Variants in TLN2 observed in about 807,000 individuals in gnomAD.
TLN2 encodes talin 2.
Under a neutral mutation model 294.7 loss-of-function variants are expected in TLN2, and 118 were observed. That is an observed-to-expected ratio of 0.40 (90% CI 0.34 to 0.47). The LOEUF (loss-of-function observed/expected upper bound fraction) is 0.47. Among genes scored for constraint, TLN2 ranks in the 20% least tolerant of loss-of-function variants. The probability of loss-of-function intolerance (pLI) is 0.84; values close to 1 mark genes in which losing one functional copy is unlikely to be tolerated. For synonymous variants in TLN2, 1,431 were observed against 1,304.5 expected, an observed-to-expected ratio of 1.10 and a Z score of -2.09; for missense variants, 3,083 against 3,282.2, an observed-to-expected ratio of 0.94 and a Z score of 1.48.
chr15:62,703,326 C>A (rs2058834335), intron 19 of TLN2, among the ~76,000 whole-genome samples: 2 of 152,060 alleles, frequency 1.3e-5, no homozygotes, highest in African/African-American at 4.8e-5. Context: ...TGGTCTCGAA[C>A]TTTGACCTCG....
chr15:62,484,308 T>TC (rs2038265777), intron 1 of TLN2, among the ~76,000 whole-genome samples: 1 of 152,166 alleles, frequency 6.6e-6, no homozygotes, highest in African/African-American at 2.4e-5. Flanking sequence ...ATAATAGCGT[T>TC]CTGGTGGCAA....
At chr15:62,448,839 T>C (rs1461894419) in intron 1 of TLN2, among the ~76,000 whole-genome samples, 2 of 152,224 alleles carry the variant, frequency 1.3e-5, no homozygotes, top group African/African-American at 2.4e-5. Flanking sequence ...AAAGTGCAGC[T>C]CATCCCATCA....
rs112249460 is a variant in TLN2, at chr15:62,693,018, G to GA, written c.1215+86dup. 1,824 of 1,255,458 alleles carry GA rather than the reference G, an allele frequency of 1.5e-3. 3 individuals carry two copies. Among genetic ancestry groups the GA allele is most frequent in the East Asian group, 5.9e-3 (238 of 40,148 alleles). The allele number at this position is 1,255,458 out of a possible 1,614,324, so 77.8% of individuals were successfully genotyped here. On this transcript the variant is annotated intron_variant, in intron 13 of 58. Transcript: ENST00000636159. ...TTGGTTTCGATGACGTGGCTACCTT[G>GA]AAAAAAAAATCCTCTTAAATAATAC...
chr15:62,589,903 G>A (rs1260308682), intron 2 of TLN2, 141 bp downstream of exon 2: 1 of 152,284 alleles, frequency 6.6e-6, no homozygotes, highest in African/African-American at 2.4e-5. Flanking sequence ...CAGGTGTGAA[G>A]AGTGCCCGGT....
chr15:62,580,149 TTC>T (rs1230229666), intron 1 of TLN2, among the ~76,000 whole-genome samples: 1 of 152,192 alleles, frequency 6.6e-6, no homozygotes, highest in Non-Finnish European at 1.5e-5. Flanking sequence ...CCACACCTCT[TTC>T]TCTCTGTATT....
chr15:62,445,740 T>A (rs2035786434), intron 1 of TLN2, among the ~76,000 whole-genome samples: 1 of 152,050 alleles, frequency 6.6e-6, no homozygotes, highest in Non-Finnish European at 1.5e-5. Flanking sequence ...CACAGTTCAC[T>A]GCACCCTCGA....
At chr15:62,461,934 ATCTG>A (rs1199244540) in intron 1 of TLN2, among the ~76,000 whole-genome samples, 1 of 152,192 alleles carries the variant, frequency 6.6e-6, no homozygotes, top group Non-Finnish European at 1.5e-5. Flanking sequence ...GAAGGGCTGT[ATCTG>A]TCTGTACTTT....
intron 1 of TLN2, among the ~76,000 whole-genome samples, chr15:62,528,531 G>T (rs542004780): frequency 6.6e-6 from 1 of 152,298 alleles, no homozygotes; most frequent in Admixed American, 6.5e-5. Context: ...CTGAGGGCCA[G>T]ATCTGAGAAT....
chr15:62,749,883 T>C (rs1313004428), intron 33 of TLN2, among the ~76,000 whole-genome samples: 1 of 152,230 alleles, frequency 6.6e-6, no homozygotes, highest in Non-Finnish European at 1.5e-5. Context: ...TTTTCTATAC[T>C]GTTTAAATTA....
At chr15:62,675,147 A>T in intron 10 of TLN2, 70 bp from the exon 11 acceptor site, 1 of 1,428,618 alleles carries the variant, frequency 7.0e-7, no homozygotes, top group East Asian at 2.3e-5. Flanking sequence ...ACATACAGTA[A>T]CTACCTCTCT....
chr15:62,746,005 C>T (rs557649461), intron 32 of TLN2, among the ~76,000 whole-genome samples: 1 of 152,024 alleles, frequency 6.6e-6, no homozygotes, highest in South Asian at 2.1e-4. Context: ...GGTTTTTGTC[C>T]CAAGTTTTTA....
At chr15:62,398,339 C>A (rs2032732965) in intron 1 of TLN2, among the ~76,000 whole-genome samples, 1 of 152,162 alleles carries the variant, frequency 6.6e-6, no homozygotes, top group Admixed American at 6.5e-5. Flanking sequence ...CCCCCAACTG[C>A]CCCCTGCCCC....
At chr15:62,711,797 GT>G in intron 21 of TLN2, 113 bp from the exon 22 acceptor site, 4 of 1,240,464 alleles carry the variant, frequency 3.2e-6, no homozygotes, top group Admixed American at 2.6e-5. Flanking sequence ...TGGAGGTTCA[GT>G]TTTTTTGCTC....
intron 1 of TLN2, among the ~76,000 whole-genome samples, chr15:62,451,133 T>C (rs185451947): frequency 5.3e-5 from 8 of 152,216 alleles, no homozygotes; most frequent in Admixed American, 5.2e-4. Context: ...CTTGCTAAAT[T>C]TGAAGATTCC....
chr15:62,570,856 A>C (rs1396430112), intron 1 of TLN2, among the ~76,000 whole-genome samples: 2 of 151,892 alleles, frequency 1.3e-5, no homozygotes, highest in Admixed American at 1.3e-4. Flanking sequence ...CAAGGTGGTA[A>C]GCGTACTACT....
At chr15:62,454,503 G>T (rs573756086) in intron 1 of TLN2, among the ~76,000 whole-genome samples, 1 of 152,160 alleles carries the variant, frequency 6.6e-6, no homozygotes, top group Non-Finnish European at 1.5e-5. Flanking sequence ...GCCAGGTGGG[G>T]CACCGTCATG....
intron 54 of TLN2, among the ~76,000 whole-genome samples, chr15:62,822,878 A>T (rs945460905): frequency 6.6e-6 from 1 of 152,206 alleles, no homozygotes; most frequent in African/African-American, 2.4e-5. Context: ...TACAAGAATG[A>T]TGATGGAATT....
intron 1 of TLN2, among the ~76,000 whole-genome samples, chr15:62,476,945 GA>G: frequency 6.6e-6 from 1 of 152,122 alleles, no homozygotes; most frequent in Non-Finnish European, 1.5e-5. Flanking sequence ...TTCTGTCTCT[GA>G]TCCTTCCGTG....
chr15:62,630,472 G>A (rs1358970759), intron 3 of TLN2, among the ~76,000 whole-genome samples: 1 of 152,198 alleles, frequency 6.6e-6, no homozygotes, highest in Non-Finnish European at 1.5e-5. Context: ...TTAGCCCTAA[G>A]AGAGCACATA....
Sources: allele counts gnomAD v4.1 joint callset (sites outside exome capture counted in the v4.1 genomes callset), GRCh38; gene constraint gnomAD v4.1.1; transcripts MANE v1.5; gene names NCBI Gene and HGNC (gene_info 2026-07-23, HGNC 2026-07-21).